IRF1: variants seen among roughly 807,000 people sequenced by gnomAD.
IRF1 encodes the protein interferon regulatory factor 1.
Under a neutral mutation model 43.7 loss-of-function variants are expected in IRF1, and 13 were observed. The observed-to-expected ratio is 0.30, with a 90% CI of 0.19 to 0.47. The LOEUF (loss-of-function observed/expected upper bound fraction) is 0.47. Ranked by LOEUF, IRF1 falls within the 20% of genes least tolerant of loss-of-function variation. The pLI, the probability that IRF1 is intolerant of heterozygous loss-of-function variation, is 0.99. For missense variants in IRF1, 236 were observed against 408.9 expected, an observed-to-expected ratio of 0.58 and a Z score of 3.65; for synonymous variants, 138 against 146.8, an observed-to-expected ratio of 0.94 and a Z score of 0.43.
chr5:132,484,256 C>T, intron 9 of IRF1, 106 bp downstream of exon 9: 1 of 1,478,876 alleles, frequency 6.8e-7, no homozygotes, highest in Non-Finnish European at 9.3e-7. Context: ...GTGTCAGTAC[C>T]CCAGATGCTT....
chr5:132,485,524 C>T lies in IRF1; in HGVS notation c.717+143G>A, dbSNP rs543112180. The T allele has an allele frequency of 1.0e-4, 78 of 770,960 alleles. 1 individual carries two copies. Among genetic ancestry groups the T allele is most frequent in the South Asian group, 8.2e-4 (57 of 69,426 alleles). The allele number at this position is 770,960 out of a possible 1,614,324, so 47.8% of individuals were successfully genotyped here. A position where few individuals can be genotyped will look rare whatever the true frequency, so the allele number is the denominator to read the frequency against. On this transcript the variant is annotated intron_variant, in intron 8 of 9. Transcript: ENST00000245414. ...GGTGGCTTTCCCACCAGTCAAGCCA[C>T]GTGAATGTGGCACTTGTGGGACAAT...
rs774440423 is a variant in IRF1 at position 132,487,148 on chromosome 5, A to G, written c.188-18T>C. The G allele has an allele frequency of 6.2e-7, 1 of 1,611,316 alleles. No individual in the cohort carries two copies. Among genetic ancestry groups the G allele is most frequent in the Non-Finnish European group, 8.5e-7 (1 of 1,177,744 alleles). On this transcript the variant is annotated intron_variant, in intron 3 of 9. Transcript: ENST00000245414. ...GTATCGGCCTAGAGGGCAGGAGAAAAAAGAGGATCGTCAGGGCCATGGGTA... is the reference window on the plus strand; with the variant it reads ...GTATCGGCCTAGAGGGCAGGAGAAAGAAGAGGATCGTCAGGGCCATGGGTA...
chr5:132,486,008 C>T, intron 7 of IRF1: 1 of 607,728 alleles, frequency 1.6e-6, no homozygotes, highest in Non-Finnish European at 2.9e-6. Flanking sequence ...AGAACCAGCA[C>T]CCCAAAATGC....
chr5:132,487,322 T>C (rs1580940071), intron 3 of IRF1, 192 bp from the exon 4 acceptor site: 4 of 624,890 alleles, frequency 6.4e-6, no homozygotes, highest in East Asian at 5.5e-5. Flanking sequence ...ATGCCCAGGC[T>C]TGGCTTAAAC....
chr5:132,486,492 G>A lies in IRF1; in HGVS notation c.544+65C>T, dbSNP rs764300969. 5.6e-6 allele frequency: 9 copies of A among 1,612,204 alleles called. No homozygotes were observed. In the African/African-American group the frequency reaches 1.2e-4, roughly 22 times the overall value. Reference sequence around the variant, plus strand: ...ATGGGCCACCATGTGCCAGCACCATGCCTCCAAGAGAAAGAGTCATCCCAC... The same window carrying A: ...ATGGGCCACCATGTGCCAGCACCATACCTCCAAGAGAAAGAGTCATCCCAC... On this transcript the variant is annotated intron_variant, in intron 6 of 9. Transcript: ENST00000245414.
intron 3 of IRF1, 23 bp downstream of exon 3, chr5:132,487,903 A>G: frequency 6.4e-7 from 1 of 1,568,084 alleles, no homozygotes; most frequent in South Asian, 1.1e-5. Flanking sequence ...TGGGCTTCCT[A>G]GGCCTGAGTC....
At chr5:132,486,100 G>C in intron 7 of IRF1, 151 bp downstream of exon 7, 1 of 1,053,096 alleles carries the variant, frequency 9.5e-7, no homozygotes, top group Non-Finnish European at 1.4e-6. Context: ...TGTCCCCGTC[G>C]CTTGCCTCCC....
Position 132,490,454 on chromosome 5 carries a change from C to T in IRF1, c.-6+91G>A, listed in dbSNP as rs1203394432. On this transcript the variant is annotated intron_variant, in intron 1 of 9. Transcript: ENST00000245414. This position sits in a 1 kb window ranked among gnomAD's most constrained non-coding sequence, Gnocchi z 5.8. ...GCAACGCCGCGCGCCGGCGAGTCTC[C>T]AGCCTGGAGCTTTCGACCCCCCACT... is the stretch of plus-strand genomic sequence containing the variant. 6.6e-6 allele frequency: 1 copy of T among 151,202 alleles called. No individual in the cohort carries two copies. The highest frequency in any genetic ancestry group is 2.4e-5 in the African/African-American group (1 of 41,308). The allele number at this position is 151,202 out of a possible 1,614,324, so 9.4% of individuals were successfully genotyped here.
At position 132,486,339 on chromosome 5, in the gene IRF1, G is replaced by A. The variant is rs17848410; in HGVS notation, c.579C>T (p.Pro193=). The A allele has an allele frequency of 8.1e-6, 13 of 1,612,686 alleles. No homozygotes were observed. The highest frequency in any genetic ancestry group is 1.6e-4 in the Middle Eastern group (1 of 6,084). ...LSPCAVSSTL[P]DWHIPVEVVP... Reference sequence around the variant, plus strand: ...CAACTTCCACTGGGATGTGCCAGTCGGGGAGAGTGCTGCTGACAGCACATG... The same window carrying A: ...CAACTTCCACTGGGATGTGCCAGTCAGGGAGAGTGCTGCTGACAGCACATG... Residue 193 remains proline, a synonymous_variant, in exon 7 of 10, where the codon CCC becomes CCT. Coordinates refer to ENST00000245414, the MANE Select transcript of IRF1 (RefSeq NM_002198.3).
At chr5:132,485,467 G>A (rs1461593539) in intron 8 of IRF1, 200 bp downstream of exon 8, 10 of 628,680 alleles carry the variant, frequency 1.6e-5, no homozygotes, top group Middle Eastern at 4.3e-4. Flanking sequence ...GCCTGTCAGA[G>A]GCCAGGCCTC....
rs1312996562 is a variant in IRF1, at chr5:132,490,297, G to A, written c.-6+248C>T. 2 of 151,624 alleles carry A rather than the reference G, an allele frequency of 1.3e-5. No homozygotes were observed. Among genetic ancestry groups the A allele is most frequent in the Non-Finnish European group, 2.9e-5 (2 of 67,818 alleles). 9.4% of individuals were successfully genotyped at this position (151,624 alleles called of 1,614,324 possible). A position where few individuals can be genotyped will look rare whatever the true frequency, so the allele number is the denominator to read the frequency against. On this transcript the variant is annotated intron_variant, in intron 1 of 9. Transcript: ENST00000245414. The surrounding 1 kb of genome is among the most constrained non-coding windows in gnomAD (Gnocchi z 5.8). ...GGCCCCTGGCGGCTGCGCGCACGCA[G>A]ATCTGCGAAAGCTGCCGGGCGCCGG... is the stretch of plus-strand genomic sequence containing the variant.
chr5:132,484,100 T>G, intron 9 of IRF1, 25 bp from the exon 10 acceptor site: 6 of 1,612,670 alleles, frequency 3.7e-6, no homozygotes, highest in South Asian at 1.1e-5. Flanking sequence ...GAAGGTTGTA[T>G]GAGGGTAGGG....
intron 2 of IRF1, 156 bp downstream of exon 2, chr5:132,489,236 C>A: frequency 1.6e-6 from 1 of 632,306 alleles, no homozygotes. Flanking sequence ...GAGGCCCAGG[C>A]TGGGCCGTGC....
rs1322683307 is a variant in IRF1, at chr5:132,483,848, T to C, written c.*103A>G. 9 of 1,456,334 alleles carry C rather than the reference T, an allele frequency of 6.2e-6. No individual in the cohort carries two copies. The South Asian group carries it at 1.1e-4, about 18-fold the overall frequency. The allele number at this position is 1,456,334 out of a possible 1,614,324, so 90.2% of individuals were successfully genotyped here. On this transcript the variant is annotated 3_prime_UTR_variant, in exon 10 of 10. Coordinates refer to ENST00000245414, the MANE Select transcript of IRF1 (RefSeq NM_002198.3). ...TCCCCACTTGGCAGTGGGGTCACAC[T>C]TGGCTGTTGAGGGGCCCACAGAAGT...
intron 3 of IRF1, 162 bp downstream of exon 3, chr5:132,487,764 C>T (rs1210048407): frequency 1.7e-6 from 1 of 603,192 alleles, no homozygotes; most frequent in Non-Finnish European, 3.0e-6. Flanking sequence ...ATGATCGACT[C>T]TCTTCTCCAG....
intron 8 of IRF1, chr5:132,485,163 TCG>T: frequency 6.4e-6 from 1 of 156,944 alleles, no homozygotes; most frequent in Non-Finnish European, 1.4e-5. Context: ...CCACCCACCT[TCG>T]CCTTCCAAAG....
chr5:132,487,174 G>A lies in IRF1; in HGVS notation c.188-44C>T, dbSNP rs190549618. On this transcript the variant is annotated intron_variant, in intron 3 of 9. Coordinates refer to ENST00000245414, the MANE Select transcript of IRF1 (RefSeq NM_002198.3). ...AAGAGGATCGTCAGGGCCATGGGTA[G>A]GGATCCTCAGCTGCCCCTGGCCTGA... The A allele has an allele frequency of 1.1e-5, 18 of 1,596,562 alleles. No homozygotes were observed. In the Middle Eastern group the frequency reaches 1.0e-3, roughly 89 times the overall value.
In IRF1 at chr5:132,485,698, T is replaced by C; in HGVS notation, c.686A>G (p.Glu229Gly). The change falls in exon 8 of 10, where the codon GAG becomes GGG. Residue 229 changes from glutamate (E) to glycine (G), a missense_variant. By Grantham distance (98) the Glu-to-Gly change is moderately conservative. This residue lies in a region of IRF1 where 170 missense variants were observed against 251.8 expected (regional missense o/e 0.68). Transcript: ENST00000245414. ...GATGTCCTCAGGTAATTTCCCTTCC[T>C]CATCCTCATCTGTTGTAGCTGTGGA... The part of the protein sequence containing the change: ...STSEATTDED[E>G]EGKLPEDIMK... The C allele has an allele frequency of 6.2e-7, 1 of 1,613,108 alleles. No homozygotes were observed.
At position 132,487,103 on chromosome 5, in the gene IRF1, G is replaced by A. The variant is rs1754552940; in HGVS notation, c.215C>T (p.Pro72Leu). The change falls in exon 4 of 10, where the codon CCA becomes CTA. Residue 72 changes from proline to leucine, a missense_variant. Pro to Leu is a moderately conservative substitution (Grantham distance 98). Around this residue, in one of 2 missense-constraint regions of IRF1, gnomAD observed 66 missense variants for 157.1 expected, o/e 0.42. Coordinates refer to ENST00000245414, the MANE Select transcript of IRF1 (RefSeq NM_002198.3). ...GTTGGCCTTCCACGTCTTGGGATCTGGCTCCTTTTCCCCTGCTTTGTATCG... is the reference window on the plus strand; with the variant it reads ...GTTGGCCTTCCACGTCTTGGGATCTAGCTCCTTTTCCCCTGCTTTGTATCG... ...TGRYKAGEKE[P>L]DPKTWKANFR... 6.2e-7 allele frequency: 1 copy of A among 1,614,050 alleles called. No homozygotes were observed. Among genetic ancestry groups the A allele is most frequent in the African/African-American group, 1.3e-5 (1 of 74,930 alleles).
Sources: allele counts gnomAD v4.1 joint callset, GRCh38; gene constraint gnomAD v4.1.1; regional missense constraint gnomAD v4.1.1; non-coding constraint Gnocchi (gnomAD v3.1); transcripts MANE v1.5; gene names NCBI Gene and HGNC (gene_info 2026-07-23, HGNC 2026-07-21).